The following NRXN1 variants were observed in gnomAD, a reference collection of about 807,000 sequenced individuals.
NRXN1 encodes neurexin 1, also known as neurexin-1.
Under a neutral mutation model 150.9 loss-of-function variants are expected in NRXN1, and 39 were observed. That is an observed-to-expected ratio of 0.26 (90% CI 0.20 to 0.34). The LOEUF (loss-of-function observed/expected upper bound fraction) is 0.34. Ranked by LOEUF, NRXN1 falls within the 10% of genes least tolerant of loss-of-function variation. The pLI, the probability that NRXN1 is intolerant of heterozygous loss-of-function variation, is 1.00. For missense variants in NRXN1, 1,815 were observed against 1,949.9 expected, an observed-to-expected ratio of 0.93 and a Z score of 1.30; for synonymous variants, 924 against 757.0, an observed-to-expected ratio of 1.22 and a Z score of -3.62.
At chr2:50,996,432 G>C (rs1015753239) in intron 2 of NRXN1, among the ~76,000 whole-genome samples, 36 of 152,108 alleles carry the variant, frequency 2.4e-4, no homozygotes, top group African/African-American at 8.4e-4. Flanking sequence ...GTTTAAACCA[G>C]CTTAACTTTT....
At chr2:50,611,024 G>A (rs1005125231) in intron 8 of NRXN1, among the ~76,000 whole-genome samples, 1 of 149,512 alleles carries the variant, frequency 6.7e-6, no homozygotes, top group Admixed American at 6.8e-5. Flanking sequence ...GGGACTACAG[G>A]CATGAGCCAC....
In NRXN1 at chr2:50,599,806, C is replaced by G. The variant is rs150408615; in HGVS notation, c.1320+20216G>C. Among the ~76,000 whole-genome samples the G allele has an allele frequency of 2.2e-3, 336 of 152,186 alleles. 6 individuals carry two copies. Among genetic ancestry groups the G allele is most frequent in the African/African-American group, 7.7e-3 (320 of 41,506 alleles). On this transcript the variant is annotated intron_variant, in intron 8 of 22. Transcript: ENST00000401669. ...GAAGCTAAAATATGCATTATAATTC[C>G]AGCTGTGGATAGAAATTTAATGCAT...
At chr2:50,153,441 A>G (rs1380505075) in intron 18 of NRXN1, among the ~76,000 whole-genome samples, 2 of 151,206 alleles carry the variant, frequency 1.3e-5, no homozygotes, top group Admixed American at 6.6e-5. Context: ...TGATATGGCA[A>G]CTCTGGAAAT....
At chr2:50,206,592 G>A (rs1178643937) in intron 18 of NRXN1, among the ~76,000 whole-genome samples, 1 of 151,572 alleles carries the variant, frequency 6.6e-6, no homozygotes, top group African/African-American at 2.4e-5. Context: ...TCACACCTCG[G>A]GACAGCACAT....
intron 17 of NRXN1, among the ~76,000 whole-genome samples, chr2:50,286,844 T>C (rs1427436500): frequency 1.3e-5 from 2 of 152,114 alleles, no homozygotes. Context: ...AGTGTTCTTT[T>C]GATAAATGGG....
chr2:50,566,851 T>G (rs573753726), intron 8 of NRXN1, among the ~76,000 whole-genome samples: 1 of 152,278 alleles, frequency 6.6e-6, no homozygotes, highest in South Asian at 2.1e-4. Flanking sequence ...ATTTACTTAT[T>G]CAGCCCTGGT....
intron 21 of NRXN1, among the ~76,000 whole-genome samples, chr2:49,972,187 AT>A (rs1043282731): frequency 2.6e-5 from 4 of 152,108 alleles, no homozygotes; most frequent in Admixed American, 2.6e-4. Context: ...AAATAAGTTG[AT>A]TTTCATCCTC....
chr2:50,055,813 G>A (rs1360850770), intron 19 of NRXN1, among the ~76,000 whole-genome samples: 1 of 148,264 alleles, frequency 6.7e-6, no homozygotes, highest in Non-Finnish European at 1.5e-5. Flanking sequence ...TCAAATATCT[G>A]CTTTTTATTA....
At chr2:50,010,168 T>C (rs1183288317) in intron 21 of NRXN1, among the ~76,000 whole-genome samples, 1 of 151,930 alleles carries the variant, frequency 6.6e-6, no homozygotes, top group African/African-American at 2.4e-5. Flanking sequence ...AAAGTCAAAT[T>C]TATAAAAGGA....
intron 5 of NRXN1, among the ~76,000 whole-genome samples, chr2:50,674,198 G>A (rs1350142145): frequency 6.6e-6 from 1 of 152,100 alleles, no homozygotes; most frequent in Non-Finnish European, 1.5e-5. Flanking sequence ...TGGAACTCTT[G>A]GTGATATTGC....
chr2:50,756,165 T>A (rs1169244058), intron 5 of NRXN1, among the ~76,000 whole-genome samples: 1 of 151,804 alleles, frequency 6.6e-6, no homozygotes, highest in Non-Finnish European at 1.5e-5. Flanking sequence ...GGGATCTTTC[T>A]CTGGTATTGT....
At chr2:49,922,703 T>A (rs1206600541) in intron 22 of NRXN1, among the ~76,000 whole-genome samples, 1 of 152,212 alleles carries the variant, frequency 6.6e-6, no homozygotes. Flanking sequence ...TTAGGATTAC[T>A]TTAGAAATCA....
chr2:50,238,396 C>T (rs983741789), intron 17 of NRXN1, among the ~76,000 whole-genome samples: 1 of 151,978 alleles, frequency 6.6e-6, no homozygotes, highest in East Asian at 1.9e-4. Context: ...ATAATCGATA[C>T]CCCTAGCTTT....
chr2:50,563,212 A>G (rs1245634949), intron 8 of NRXN1, among the ~76,000 whole-genome samples: 1 of 152,230 alleles, frequency 6.6e-6, no homozygotes, highest in Non-Finnish European at 1.5e-5. Flanking sequence ...AGGGGACTTT[A>G]GAATAGCCCA....
At chr2:50,479,771 T>TC (rs1361736420) in intron 15 of NRXN1, among the ~76,000 whole-genome samples, 1 of 120,526 alleles carries the variant, frequency 8.3e-6, no homozygotes, top group Non-Finnish European at 1.7e-5. Flanking sequence ...CTTTTTCTTT[T>TC]TTTTTTTTTT....
chr2:50,980,879 G>A lies in NRXN1; in HGVS notation c.772+46623C>T, dbSNP rs149937948. 1.2e-3 allele frequency among the ~76,000 whole-genome samples: 177 copies of A among 152,094 alleles called. 2 individuals carry two copies. The East Asian group carries it at 0.032, about 27-fold the overall frequency. On this transcript the variant is annotated intron_variant, in intron 2 of 22. Coordinates refer to ENST00000401669, the MANE Select transcript of NRXN1 (RefSeq NM_001330078.2). ...GCTTCCAGAAAGATTATCTATGGTA[G>A]AATAATCTTTATAATAAATCTCAAT...
intron 17 of NRXN1, among the ~76,000 whole-genome samples, chr2:50,368,970 TTTAA>T (rs2079804674): frequency 6.6e-6 from 1 of 152,064 alleles, no homozygotes; most frequent in South Asian, 2.1e-4. Context: ...TGGCTTTAGG[TTTAA>T]TTGTCAGCCA....
At chr2:50,596,219 C>G (rs1377602556) in intron 8 of NRXN1, among the ~76,000 whole-genome samples, 1 of 152,134 alleles carries the variant, frequency 6.6e-6, no homozygotes, top group Non-Finnish European at 1.5e-5. Flanking sequence ...TCTTCATAAC[C>G]TCTTACAATC....
At chr2:50,033,409 T>C (rs898315192) in intron 21 of NRXN1, among the ~76,000 whole-genome samples, 3 of 151,988 alleles carry the variant, frequency 2.0e-5, no homozygotes, top group African/African-American at 7.2e-5. Flanking sequence ...GGTGCTGAGA[T>C]AACTGACTAG....
Sources: allele counts gnomAD v4.1 joint callset (sites outside exome capture counted in the v4.1 genomes callset), GRCh38; gene constraint gnomAD v4.1.1; transcripts MANE v1.5; gene names NCBI Gene and HGNC (gene_info 2026-07-23, HGNC 2026-07-21).